Variants in LNX1 observed in about 807,000 individuals in gnomAD.
LNX1 encodes the protein ligand of numb-protein X 1.
A neutral mutation model predicts 68.4 loss-of-function variants in LNX1; 54 were observed. The observed-to-expected ratio is 0.79, with a 90% confidence interval of 0.63 to 0.99. The LOEUF is 0.99. Ranked by LOEUF, LNX1 falls within the 50% of genes least tolerant of loss-of-function variation. The pLI is 0.00. For synonymous variants in LNX1, 336 were observed against 350.0 expected (o/e 0.96, Z 0.45); for missense variants, 906 against 926.4 (o/e 0.98, Z 0.29).
chr4:53,498,836 T>C lies in LNX1; in HGVS notation c.783A>G (p.Pro261=), dbSNP rs753131561. The part of the protein sequence containing the change: ...SENTTAPEVF[P]RLYHLIPDGE... ...CATCTGGAATCAGGTGGTACAACCT[T>C]GGAAAGACTGAAATGGACAAAGAGT... The change falls in exon 5 of 11, where the codon CCA becomes CCG. Residue 261 remains proline, a synonymous_variant. Coordinates refer to ENST00000263925, the MANE Select transcript of LNX1 (RefSeq NM_001126328.3). The C allele has an allele frequency of 1.9e-6, 3 of 1,612,752 alleles. No homozygotes were observed. The highest frequency in any genetic ancestry group is 2.5e-6 in the Non-Finnish European group (3 of 1,179,236).
intron 2 of LNX1, among the ~76,000 whole-genome samples, chr4:53,545,431 G>A (rs1442969203): frequency 6.6e-6 from 1 of 152,176 alleles, no homozygotes; most frequent in African/African-American, 2.4e-5. Flanking sequence ...ACACAGTAGC[G>A]ATGCAGTCCT....
intron 2 of LNX1, among the ~76,000 whole-genome samples, chr4:53,530,182 C>T (rs1169150293): frequency 6.6e-6 from 1 of 152,150 alleles, no homozygotes. Flanking sequence ...GAGTTGTGCT[C>T]TCTACTTTCC....
intron 1 of LNX1, among the ~76,000 whole-genome samples, chr4:53,646,482 G>T (rs1185361726): frequency 6.6e-6 from 1 of 152,120 alleles, no homozygotes; most frequent in Non-Finnish European, 1.5e-5. Flanking sequence ...GTTATTATCA[G>T]TCTCACCTCT....
intron 9 of LNX1, among the ~76,000 whole-genome samples, chr4:53,464,303 C>G (rs941874171): frequency 1.3e-5 from 2 of 152,048 alleles, no homozygotes; most frequent in Admixed American, 6.6e-5. Flanking sequence ...CATTTATTCC[C>G]TCTTCTGGAT....
chr4:53,633,006 G>A (rs1159773186), intron 1 of LNX1, among the ~76,000 whole-genome samples: 1 of 152,224 alleles, frequency 6.6e-6, no homozygotes, highest in African/African-American at 2.4e-5. Context: ...TAGTGTGTGA[G>A]TGGTGGGGAG....
chr4:53,614,252 C>T (rs555503889), intron 2 of LNX1, among the ~76,000 whole-genome samples: 6 of 152,260 alleles, frequency 3.9e-5, no homozygotes, highest in Non-Finnish European at 7.4e-5. Context: ...ACATATTCTC[C>T]AGGAAAGAAT....
At position 53,549,151 on chromosome 4, in the gene LNX1, C is replaced by T. The variant is rs77091431; in HGVS notation, c.380+24472G>A. Among the ~76,000 whole-genome samples the T allele has an allele frequency of 4.0e-3, 616 of 152,146 alleles. 2 individuals carry two copies. The highest frequency in any genetic ancestry group is 0.014 in the African/African-American group (593 of 41,504). The stretch of plus-strand genomic sequence containing the variant: ...CCTATGTAACAAACCTTGACATGTA[C>T]CCCCCAAATCTAAAATAAAAGTAAA... On this transcript the variant is annotated intron_variant, in intron 2 of 10. Transcript: ENST00000263925.
chr4:53,542,122 G>C (rs1577685622), intron 2 of LNX1, among the ~76,000 whole-genome samples: 1 of 152,204 alleles, frequency 6.6e-6, no homozygotes, highest in East Asian at 1.9e-4. Flanking sequence ...TAGTGATGCA[G>C]AGAGAAAACA....
chr4:53,473,392 G>A (rs1426172514), intron 9 of LNX1, among the ~76,000 whole-genome samples: 1 of 152,178 alleles, frequency 6.6e-6, no homozygotes, highest in Admixed American at 6.5e-5. Flanking sequence ...CAAAGATACA[G>A]AATCAACCTA....
At chr4:53,576,011 C>G in intron 1 of LNX1, 3 of 1,568,510 alleles carry the variant, frequency 1.9e-6, no homozygotes, top group African/African-American at 2.7e-5. Context: ...CTCCATCTTC[C>G]CCCCACCAGC....
chr4:53,548,936 A>T (rs1729303402), intron 2 of LNX1, among the ~76,000 whole-genome samples: 1 of 152,212 alleles, frequency 6.6e-6, no homozygotes, highest in South Asian at 2.1e-4. Flanking sequence ...AGAAAACCAA[A>T]TGCTGCATAT....
chr4:53,637,188 C>T (rs945592938), intron 1 of LNX1, among the ~76,000 whole-genome samples: 2 of 152,022 alleles, frequency 1.3e-5, no homozygotes, highest in African/African-American at 2.4e-5. Flanking sequence ...CAAAACACAA[C>T]ATCATGATTG....
At chr4:53,503,584 G>T (rs1174931680) in intron 4 of LNX1, among the ~76,000 whole-genome samples, 1 of 152,190 alleles carries the variant, frequency 6.6e-6, no homozygotes, top group Non-Finnish European at 1.5e-5. Context: ...GCTGTAAAAA[G>T]ATGTGCTGCC....
At chr4:53,486,887 C>A (rs1365682458) in intron 6 of LNX1, among the ~76,000 whole-genome samples, 3 of 151,352 alleles carry the variant, frequency 2.0e-5, no homozygotes, top group African/African-American at 7.3e-5. Context: ...TTGCATGAAT[C>A]CATACAGTGA....
intron 1 of LNX1, among the ~76,000 whole-genome samples, chr4:53,590,803 T>G (rs1248906691): frequency 6.6e-6 from 1 of 151,736 alleles, no homozygotes; most frequent in African/African-American, 2.4e-5. Context: ...TTTAAAAGAG[T>G]GTTCAACAAA....
intron 9 of LNX1, among the ~76,000 whole-genome samples, chr4:53,467,457 G>A (rs1435665579): frequency 2.6e-5 from 4 of 152,202 alleles, no homozygotes; most frequent in Non-Finnish European, 5.9e-5. Flanking sequence ...AAGGAATGCA[G>A]CTCCTCACCA....
At chr4:53,537,331 G>GTCCA (rs1728445977) in intron 2 of LNX1, among the ~76,000 whole-genome samples, 2 of 152,128 alleles carry the variant, frequency 1.3e-5, no homozygotes, top group African/African-American at 4.8e-5. Context: ...ATAGCCTTGG[G>GTCCA]TCCACCCTTT....
chr4:53,622,165 C>T (rs541962048), upstream of LNX1, among the ~76,000 whole-genome samples: 2 of 152,160 alleles, frequency 1.3e-5, no homozygotes, highest in East Asian at 3.9e-4. Flanking sequence ...TTTAGTGTTT[C>T]CTAAGAAGGA....
intron 2 of LNX1, among the ~76,000 whole-genome samples, chr4:53,606,716 T>G (rs1733250173): frequency 6.6e-6 from 1 of 152,174 alleles, no homozygotes; most frequent in Non-Finnish European, 1.5e-5. Context: ...AATAAAATAC[T>G]GGCAAACTGA....
Sources: gnomAD v4.1 joint callset for allele counts (sites outside exome capture counted in the v4.1 genomes callset) on GRCh38, gnomAD v4.1.1 for gene constraint, MANE v1.5 for transcripts, NCBI Gene and HGNC (gene_info 2026-07-23, HGNC 2026-07-21) for gene names.